BANF2: variants seen among roughly 807,000 people sequenced by gnomAD.
BANF2 encodes barrier-to-autointegration factor-like protein.
A neutral mutation model predicts 8.0 loss-of-function variants in BANF2; 4 were observed. That is an observed-to-expected ratio of 0.50 (90% confidence interval 0.25 to 1.14). BANF2 has a LOEUF of 1.14. Ranked by LOEUF, BANF2 falls within the 50% of genes most tolerant of loss-of-function variation. The probability of loss-of-function intolerance (pLI) is 0.16; values close to 1 mark genes in which losing one functional copy is unlikely to be tolerated. For synonymous variants in BANF2, 50 were observed against 40.6 expected (o/e 1.23, Z -0.88); for missense variants, 96 against 107.5 (o/e 0.89, Z 0.47).
intron 3 of BANF2, among the ~76,000 whole-genome samples, chr20:17,728,486 A>T (rs1424931709): frequency 6.6e-6 from 1 of 151,860 alleles, no homozygotes; most frequent in Non-Finnish European, 1.5e-5. Flanking sequence ...TCCCCTTCTC[A>T]AACTCTTACC....
chr20:17,724,509 G>A (rs1032482689), intron 2 of BANF2, among the ~76,000 whole-genome samples: 2 of 152,150 alleles, frequency 1.3e-5, no homozygotes, highest in Non-Finnish European at 2.9e-5. Context: ...ATGGCGCTGC[G>A]ACCCATTCCC....
upstream of BANF2, among the ~76,000 whole-genome samples, chr20:17,698,094 G>C (rs982376007): frequency 2.6e-5 from 4 of 152,106 alleles, no homozygotes; most frequent in Non-Finnish European, 5.9e-5. Flanking sequence ...GTAAATCCCA[G>C]TTACTTTGGA....
In BANF2 at chr20:17,709,317, C is replaced by T. The variant is rs370402362; in HGVS notation, c.-167+9262C>T. Among the ~76,000 whole-genome samples the T allele has an allele frequency of 5.9e-5, 9 of 152,256 alleles. No individual in the cohort carries two copies. The East Asian group carries it at 1.4e-3, about 23-fold the overall frequency. The stretch of plus-strand genomic sequence containing the variant: ...CTGGAGGAACTCAGATGCCTTGGTC[C>T]TTAGGAGGATCCAGAACCACCGCAC... On this transcript the variant is annotated intron_variant, in intron 1 of 3. Transcript: ENST00000246090.
At chr20:17,723,264 G>T (rs899990041) in intron 2 of BANF2, among the ~76,000 whole-genome samples, 1 of 152,196 alleles carries the variant, frequency 6.6e-6, no homozygotes, top group Non-Finnish European at 1.5e-5. Context: ...TTAGGGGTTG[G>T]CGTATTACAG....
intron 2 of BANF2, 75 bp from the exon 3 acceptor site, chr20:17,724,948 A>T (rs1169689772): frequency 1.4e-6 from 2 of 1,422,312 alleles, no homozygotes; most frequent in Non-Finnish European, 1.9e-6. Flanking sequence ...GGGCTGAGGG[A>T]GTTCCCCAGT....
intron 1 of BANF2, among the ~76,000 whole-genome samples, chr20:17,701,680 T>G (rs2122566275): frequency 6.6e-6 from 1 of 152,172 alleles, no homozygotes; most frequent in East Asian, 1.9e-4. Flanking sequence ...TGAACTCAGG[T>G]GGGTCACGCC....
intron 2 of BANF2, 80 bp downstream of exon 2, chr20:17,722,958 C>T (rs888646333): frequency 1.1e-4 from 92 of 871,462 alleles, no homozygotes; most frequent in Admixed American, 6.2e-5. Flanking sequence ...TTTACGTCAT[C>T]GAATGCTTAC....
chr20:17,694,714 G>A (rs1483256545), intron 1 of BANF2, among the ~76,000 whole-genome samples: 1 of 141,140 alleles, frequency 7.1e-6, no homozygotes, highest in Non-Finnish European at 1.5e-5. Context: ...GACCTCCCAG[G>A]CTCAAGTGAT....
At chr20:17,734,578 C>T (rs1214501697) in intron 3 of BANF2, among the ~76,000 whole-genome samples, 2 of 152,164 alleles carry the variant, frequency 1.3e-5, no homozygotes, top group Admixed American at 1.3e-4. Flanking sequence ...TCTGTCAGCC[C>T]CATGTGCAGT....
intron 1 of BANF2, among the ~76,000 whole-genome samples, chr20:17,722,120 A>G (rs527934452): frequency 1.5e-4 from 23 of 152,206 alleles, no homozygotes; most frequent in Non-Finnish European, 3.1e-4. Flanking sequence ...AAAGAATGTG[A>G]AGACCTTTTT....
intron 3 of BANF2, among the ~76,000 whole-genome samples, chr20:17,730,363 C>T (rs991686469): frequency 2.6e-5 from 4 of 152,142 alleles, no homozygotes; most frequent in African/African-American, 9.7e-5. Flanking sequence ...GTGCCGTCTG[C>T]CCCTAAAACT....
intron 1 of BANF2, among the ~76,000 whole-genome samples, chr20:17,706,621 G>T (rs1331984013): frequency 6.6e-6 from 1 of 152,208 alleles, no homozygotes; most frequent in East Asian, 1.9e-4. Flanking sequence ...CGTAGTAGGG[G>T]ATCCTTAAGT....
chr20:17,733,601 A>G (rs565919734), intron 3 of BANF2, among the ~76,000 whole-genome samples: 1 of 152,332 alleles, frequency 6.6e-6, no homozygotes, highest in Middle Eastern at 3.4e-3. Flanking sequence ...TTAACACTTA[A>G]TAAATGTTAT....
At chr20:17,715,878 C>T (rs1482477078) in intron 1 of BANF2, among the ~76,000 whole-genome samples, 1 of 152,234 alleles carries the variant, frequency 6.6e-6, no homozygotes, top group African/African-American at 2.4e-5. Flanking sequence ...GGGTAGTCGC[C>T]GTCAGGCATG....
chr20:17,709,642 C>T (rs2037539822), intron 1 of BANF2, among the ~76,000 whole-genome samples: 1 of 152,098 alleles, frequency 6.6e-6, no homozygotes, highest in Non-Finnish European at 1.5e-5. Flanking sequence ...AAAATGATTG[C>T]CCAGAAGCTC....
chr20:17,734,057 C>T (rs757030498), intron 3 of BANF2, among the ~76,000 whole-genome samples: 28 of 152,202 alleles, frequency 1.8e-4, no homozygotes, highest in Non-Finnish European at 3.8e-4. Context: ...TTAATGTGAC[C>T]TGAGCTCTCC....
chr20:17,722,173 AG>A (rs2037741210), intron 1 of BANF2, among the ~76,000 whole-genome samples: 1 of 152,232 alleles, frequency 6.6e-6, no homozygotes, highest in African/African-American at 2.4e-5. Flanking sequence ...GGAGGGCAAA[AG>A]TCACTGCCTA....
chr20:17,711,259 C>T (rs760049966), intron 1 of BANF2, among the ~76,000 whole-genome samples: 3 of 152,206 alleles, frequency 2.0e-5, no homozygotes, highest in African/African-American at 7.2e-5. Context: ...TGGCCTCCCC[C>T]GGGGCCCCCC....
intron 1 of BANF2, among the ~76,000 whole-genome samples, chr20:17,718,455 A>G (rs1002427834): frequency 6.6e-6 from 1 of 152,164 alleles, no homozygotes; most frequent in Non-Finnish European, 1.5e-5. Flanking sequence ...GATTACAGGC[A>G]TGAGCTACCG....
Sources: allele counts gnomAD v4.1 joint callset (sites outside exome capture counted in the v4.1 genomes callset), GRCh38; gene constraint gnomAD v4.1.1; transcripts MANE v1.5; gene names NCBI Gene and HGNC (gene_info 2026-07-23, HGNC 2026-07-21).